Variants in FAT3 observed in about 807,000 individuals in gnomAD.
FAT3 encodes protocadherin Fat 3.
A neutral mutation model predicts 310.2 loss-of-function variants in FAT3; 95 were observed. The ratio of observed to expected loss-of-function variants is 0.31; its 90% CI spans 0.26 to 0.36. The LOEUF (loss-of-function observed/expected upper bound fraction) is 0.36. FAT3 is among the 10% of genes least tolerant of loss of function. The pLI is 1.00. For synonymous variants in FAT3, 2,314 were observed against 2,192.9 expected, an observed-to-expected ratio of 1.06 and a Z score of -1.54; for missense variants, 5,408 against 5,715.6, an observed-to-expected ratio of 0.95 and a Z score of 1.74.
chr11:92,703,824 C>T (rs980230788), intron 4 of FAT3, among the ~76,000 whole-genome samples: 2 of 152,212 alleles, frequency 1.3e-5, no homozygotes, highest in Non-Finnish European at 2.9e-5. Flanking sequence ...TTGACTTTCA[C>T]AGTAAGGTCT....
intron 1 of FAT3, among the ~76,000 whole-genome samples, chr11:92,333,004 A>G (rs1372543685): frequency 6.6e-6 from 1 of 152,194 alleles, no homozygotes; most frequent in Non-Finnish European, 1.5e-5. Flanking sequence ...AGTGTACTTA[A>G]CAACAGTGGG....
intron 1 of FAT3, among the ~76,000 whole-genome samples, chr11:92,305,340 G>T (rs561025623): frequency 6.6e-6 from 1 of 152,168 alleles, no homozygotes; most frequent in South Asian, 2.1e-4. Context: ...TAGAATTCTA[G>T]TTAATAAATG....
At chr11:92,761,831 G>T (rs2136083074) in intron 4 of FAT3, 25 bp from the exon 5 acceptor site, 1 of 1,596,756 alleles carries the variant, frequency 6.3e-7, no homozygotes, top group South Asian at 1.1e-5. Context: ...TCTCCTTTCT[G>T]ATCACATCAT....
chr11:92,280,174 A>G (rs1450801087), intron 1 of FAT3, among the ~76,000 whole-genome samples: 1 of 152,180 alleles, frequency 6.6e-6, no homozygotes, highest in Non-Finnish European at 1.5e-5. Context: ...GACTTGCTCA[A>G]GAACGATCGA....
chr11:92,267,175 A>G (rs949939657), intron 1 of FAT3, among the ~76,000 whole-genome samples: 1 of 152,076 alleles, frequency 6.6e-6, no homozygotes, highest in African/African-American at 2.4e-5. Flanking sequence ...TGACTTTATC[A>G]TGTTCTTTAT....
chr11:92,526,661 C>T (rs1303471300), intron 3 of FAT3, among the ~76,000 whole-genome samples: 1 of 152,126 alleles, frequency 6.6e-6, no homozygotes, highest in Non-Finnish European at 1.5e-5. Flanking sequence ...GTAACTAAAG[C>T]TTTCTTTTAT....
At chr11:92,230,360 C>G (rs1452653955) in intron 1 of FAT3, among the ~76,000 whole-genome samples, 1 of 152,082 alleles carries the variant, frequency 6.6e-6, no homozygotes, top group Admixed American at 6.6e-5. Context: ...GTGGCGTGTT[C>G]TTGGCTCACT....
At chr11:92,836,529 T>G (rs1044498535) in intron 15 of FAT3, 37 bp from the exon 16 acceptor site, 5 of 1,606,318 alleles carry the variant, frequency 3.1e-6, no homozygotes, top group Non-Finnish European at 4.3e-6. Context: ...CTGCCTTATG[T>G]CATGTCTTTT....
chr11:92,834,811 G>C, intron 14 of FAT3, 59 bp from the exon 15 acceptor site: 1 of 1,369,046 alleles, frequency 7.3e-7, no homozygotes, highest in Non-Finnish European at 1.0e-6. Flanking sequence ...CATGATTATA[G>C]AATTGCTGAC....
intron 1 of FAT3, among the ~76,000 whole-genome samples, chr11:92,301,831 G>A (rs1271298800): frequency 2.0e-5 from 3 of 151,954 alleles, no homozygotes; most frequent in Non-Finnish European, 4.4e-5. Flanking sequence ...TTTGTTGTTT[G>A]TTTAGGTGCA....
intron 2 of FAT3, among the ~76,000 whole-genome samples, chr11:92,406,973 A>G (rs975612474): frequency 6.6e-6 from 1 of 152,180 alleles, no homozygotes; most frequent in Non-Finnish European, 1.5e-5. Flanking sequence ...GTGCCTTTTA[A>G]GGTTTTCTTC....
intron 1 of FAT3, among the ~76,000 whole-genome samples, chr11:92,229,227 A>T (rs940658110): frequency 6.6e-6 from 1 of 152,076 alleles, no homozygotes; most frequent in African/African-American, 2.4e-5. Context: ...TTGATCTCTA[A>T]CTGTTGAATA....
intron 1 of FAT3, among the ~76,000 whole-genome samples, chr11:92,273,160 T>C (rs1397107724): frequency 1.3e-5 from 2 of 152,078 alleles, no homozygotes; most frequent in East Asian, 3.9e-4. Flanking sequence ...GATCCACCAG[T>C]TTTTATGTTT....
intron 13 of FAT3, among the ~76,000 whole-genome samples, chr11:92,813,161 A>G (rs1395016394): frequency 6.6e-6 from 1 of 152,176 alleles, no homozygotes; most frequent in Non-Finnish European, 1.5e-5. Flanking sequence ...TAAATTACCC[A>G]GTCTCCGGTA....
At chr11:92,240,707 A>G (rs1402002798) in intron 1 of FAT3, among the ~76,000 whole-genome samples, 3 of 151,944 alleles carry the variant, frequency 2.0e-5, no homozygotes, top group Non-Finnish European at 2.9e-5. Flanking sequence ...TTTTATTGAC[A>G]TATTGTTTTG....
chr11:92,634,945 CTT>C (rs1229603053), intron 3 of FAT3, among the ~76,000 whole-genome samples: 1 of 152,184 alleles, frequency 6.6e-6, no homozygotes, highest in African/African-American at 2.4e-5. Context: ...CACCATCCCT[CTT>C]TCCCTCTGAG....
chr11:92,863,556 T>C (rs1446501345), intron 21 of FAT3, among the ~76,000 whole-genome samples: 4 of 152,226 alleles, frequency 2.6e-5, no homozygotes, highest in Non-Finnish European at 5.9e-5. Flanking sequence ...CTCTCAATTA[T>C]GTATTTCATT....
Position 92,859,139 on chromosome 11 carries a change from A to G in FAT3, c.11501-26A>G, listed in dbSNP as rs768055609. 6.2e-6 allele frequency: 10 copies of G among 1,604,404 alleles called. 1 individual carries two copies. The East Asian group carries it at 1.8e-4, about 29-fold the overall frequency. ...TCCTTTCTGGATGTTAAAAATATAT[A>G]TGTCTTCTCATAACGGTCTTTTCAG... On this transcript the variant is annotated intron_variant, in intron 20 of 27. Transcript: ENST00000525166.
intron 1 of FAT3, among the ~76,000 whole-genome samples, chr11:92,255,111 G>A (rs147652528): frequency 3.3e-5 from 5 of 152,118 alleles, no homozygotes; most frequent in Non-Finnish European, 5.9e-5. Flanking sequence ...TTGCCTTTGC[G>A]GAAGCTACAG....
Sources: allele counts gnomAD v4.1 joint callset (sites outside exome capture counted in the v4.1 genomes callset), GRCh38; gene constraint gnomAD v4.1.1; transcripts MANE v1.5; gene names NCBI Gene and HGNC (gene_info 2026-07-23, HGNC 2026-07-21).